Variants in NEK11 observed in about 807,000 individuals in gnomAD.
NEK11 encodes serine/threonine-protein kinase Nek11.
In NEK11, 72 loss-of-function variants were observed where a neutral mutation model predicts 80.7. The ratio of observed to expected loss-of-function variants is 0.89; its 90% CI spans 0.74 to 1.08. The LOEUF (loss-of-function observed/expected upper bound fraction) is 1.08, where lower values mean the gene tolerates loss of function less well. Ranked by LOEUF, NEK11 falls within the 50% of genes least tolerant of loss-of-function variation. The pLI is 0.00. For synonymous variants in NEK11, 251 were observed against 260.7 expected (o/e 0.96, Z 0.36); for missense variants, 764 against 763.6 (o/e 1.00, Z -0.01).
At chr3:131,320,859 CA>C (rs2109729071) in intron 17 of NEK11, among the ~76,000 whole-genome samples, 1 of 152,176 alleles carries the variant, frequency 6.6e-6, no homozygotes, top group Admixed American at 6.5e-5. Context: ...ATGACACAAA[CA>C]AATACAAAAA....
chr3:131,172,151 C>T (rs1467870919), intron 14 of NEK11, among the ~76,000 whole-genome samples: 1 of 152,180 alleles, frequency 6.6e-6, no homozygotes, highest in Non-Finnish European at 1.5e-5. Context: ...CTTTGTATTC[C>T]TTCTGTGCTC....
chr3:131,263,756 T>C (rs1315344916), intron 16 of NEK11, among the ~76,000 whole-genome samples: 2 of 152,192 alleles, frequency 1.3e-5, no homozygotes, highest in Non-Finnish European at 2.9e-5. Context: ...GGTCAAATGG[T>C]ATTTCTAGTT....
chr3:131,190,995 A>T (rs912406870), intron 14 of NEK11, among the ~76,000 whole-genome samples: 31 of 152,190 alleles, frequency 2.0e-4, no homozygotes, highest in African/African-American at 7.0e-4. Context: ...CCAATAAAAG[A>T]TACAATGACT....
chr3:131,046,578 C>CTT (rs200719678), intron 3 of NEK11, among the ~76,000 whole-genome samples: 1 of 146,524 alleles, frequency 6.8e-6, no homozygotes, highest in African/African-American at 2.5e-5. Context: ...TAAAGTGATT[C>CTT]TTTTTTTTTT....
intron 16 of NEK11, among the ~76,000 whole-genome samples, chr3:131,268,097 G>A (rs11921126): frequency 0.055 from 8,290 of 152,082 alleles, 746 homozygotes; most frequent in African/African-American, 0.19. Context: ...CAAAGTTCTC[G>A]TGCTGTGTTT....
intron 14 of NEK11, among the ~76,000 whole-genome samples, chr3:131,215,252 A>G (rs1222350679): frequency 7.7e-6 from 1 of 129,524 alleles, no homozygotes; most frequent in African/African-American, 3.0e-5. Context: ...GAAGGGGAAC[A>G]TCACACACCG....
intron 17 of NEK11, among the ~76,000 whole-genome samples, chr3:131,297,178 G>C (rs1240967377): frequency 1.3e-5 from 2 of 151,964 alleles, no homozygotes. Context: ...TATATACCCA[G>C]TAATGGGATG....
intron 17 of NEK11, among the ~76,000 whole-genome samples, chr3:131,302,694 G>T (rs1218645184): frequency 6.6e-6 from 1 of 152,072 alleles, no homozygotes; most frequent in Non-Finnish European, 1.5e-5. Flanking sequence ...TGTTTTTATT[G>T]TGCTGTGGAC....
chr3:131,275,595 C>T (rs2096278773), intron 17 of NEK11, among the ~76,000 whole-genome samples: 1 of 152,134 alleles, frequency 6.6e-6, no homozygotes, highest in African/African-American at 2.4e-5. Flanking sequence ...GTGGAATAAC[C>T]TGCCATCCTT....
At chr3:131,070,566 T>C (rs1054056484) in intron 3 of NEK11, among the ~76,000 whole-genome samples, 4 of 152,210 alleles carry the variant, frequency 2.6e-5, no homozygotes, top group African/African-American at 9.6e-5. Flanking sequence ...AGAACAGACA[T>C]AGGGTCATTA....
intron 14 of NEK11, among the ~76,000 whole-genome samples, chr3:131,191,749 AT>A (rs1474233281): frequency 3.3e-4 from 50 of 152,286 alleles, no homozygotes; most frequent in African/African-American, 1.2e-3. Flanking sequence ...TCAACAAATG[AT>A]ATTAGGAAGA....
chr3:131,216,416 G>A (rs1230807870), intron 14 of NEK11, among the ~76,000 whole-genome samples: 1 of 152,250 alleles, frequency 6.6e-6, no homozygotes. Flanking sequence ...CTCATTGAAA[G>A]GGGAGAGTCA....
At chr3:131,099,827 A>C (rs1427562599) in intron 4 of NEK11, among the ~76,000 whole-genome samples, 1 of 152,204 alleles carries the variant, frequency 6.6e-6, no homozygotes, top group Non-Finnish European at 1.5e-5. Context: ...TTGTATCCTG[A>C]AACCTTACTA....
At chr3:131,148,239 T>C (rs2088801701) in intron 7 of NEK11, among the ~76,000 whole-genome samples, 1 of 151,980 alleles carries the variant, frequency 6.6e-6, no homozygotes, top group Non-Finnish European at 1.5e-5. Context: ...TGATGTATTA[T>C]CTTTTTAATA....
chr3:131,123,887 G>C (rs918383177), intron 5 of NEK11, among the ~76,000 whole-genome samples: 1 of 152,140 alleles, frequency 6.6e-6, no homozygotes, highest in Non-Finnish European at 1.5e-5. Context: ...AGATTAAACA[G>C]TAGAGAAAAT....
chr3:131,343,064 A>G (rs1248732993), intron 17 of NEK11, among the ~76,000 whole-genome samples: 1 of 151,912 alleles, frequency 6.6e-6, no homozygotes, highest in Non-Finnish European at 1.5e-5. Context: ...GCAGTAAAAA[A>G]GCAACAAACA....
At chr3:131,075,498 A>G (rs1171255229) in intron 3 of NEK11, among the ~76,000 whole-genome samples, 2 of 152,118 alleles carry the variant, frequency 1.3e-5, no homozygotes, top group Non-Finnish European at 2.9e-5. Context: ...TTTTAAATAA[A>G]TATTACTCTC....
intron 16 of NEK11, among the ~76,000 whole-genome samples, chr3:131,269,678 A>G (rs1220762830): frequency 2.0e-5 from 3 of 152,294 alleles, no homozygotes; most frequent in South Asian, 4.1e-4. Context: ...CTATTCGGCC[A>G]TCTTGCCCAT....
chr3:131,290,367 C>T (rs530186715), intron 17 of NEK11, among the ~76,000 whole-genome samples: 5 of 152,206 alleles, frequency 3.3e-5, no homozygotes, highest in African/African-American at 9.6e-5. Flanking sequence ...TGTATCAGCT[C>T]GTAAGAGAAA....
Sources: allele counts gnomAD v4.1 joint callset (sites outside exome capture counted in the v4.1 genomes callset), GRCh38; gene constraint gnomAD v4.1.1; transcripts MANE v1.5; gene names NCBI Gene and HGNC (gene_info 2026-07-23, HGNC 2026-07-21).